Variants in TMEM50A observed in about 807,000 individuals in gnomAD.
TMEM50A encodes transmembrane protein 50A.
A neutral mutation model predicts 23.9 loss-of-function variants in TMEM50A; 8 were observed. That is an observed-to-expected ratio of 0.33 (90% CI 0.20 to 0.60). The LOEUF (loss-of-function observed/expected upper bound fraction) is 0.60, where lower values mean the gene tolerates loss of function less well. Among genes scored for constraint, TMEM50A ranks in the 20% least tolerant of loss-of-function variants. TMEM50A has a pLI of 0.81. For synonymous variants in TMEM50A, 55 were observed against 60.4 expected, an observed-to-expected ratio of 0.91 and a Z score of 0.41; for missense variants, 178 against 192.7, an observed-to-expected ratio of 0.92 and a Z score of 0.45.
At chr1:25,340,352 A>G (rs1645154771) in intron 1 of TMEM50A, 122 bp from the exon 2 acceptor site, 5 of 616,346 alleles carry the variant, frequency 8.1e-6, no homozygotes, top group Non-Finnish European at 1.1e-5. Context: ...AGTATGTGGA[A>G]CCAAAATAAA....
intron 2 of TMEM50A, among the ~76,000 whole-genome samples, chr1:25,342,050 A>C (rs913034324): frequency 6.6e-6 from 1 of 152,144 alleles, no homozygotes; most frequent in African/African-American, 2.4e-5. Flanking sequence ...TCTTAAATAC[A>C]TTGAGCTGAG....
At chr1:25,355,515 G>A (rs982744669) in intron 5 of TMEM50A, among the ~76,000 whole-genome samples, 8 of 152,048 alleles carry the variant, frequency 5.3e-5, no homozygotes, top group Non-Finnish European at 8.8e-5. Context: ...TTTCCTGAAA[G>A]CTTCTGGAGC....
In TMEM50A at chr1:25,360,848, C is replaced by A; in HGVS notation, c.*143C>A. 1 of 768,924 alleles carries A rather than the reference C, an allele frequency of 1.3e-6. No homozygotes were observed. Among genetic ancestry groups the A allele is most frequent in the Non-Finnish European group, 2.1e-6 (1 of 487,658 alleles). The allele number at this position is 768,924 out of a possible 1,614,324, so 47.6% of individuals were successfully genotyped here. On this transcript the variant is annotated 3_prime_UTR_variant, in exon 7 of 7. Coordinates refer to ENST00000374358, the MANE Select transcript of TMEM50A (RefSeq NM_014313.4). ...TTAAAGTTGTGTAATACTAAAATCA[C>A]GAGAACACCTAAACAACAACCAAAA... is the stretch of plus-strand genomic sequence containing the variant.
At chr1:25,350,902 C>T (rs1571802931) in intron 3 of TMEM50A, among the ~76,000 whole-genome samples, 1 of 151,994 alleles carries the variant, frequency 6.6e-6, no homozygotes, top group Admixed American at 6.6e-5. Flanking sequence ...TGGCTCACAC[C>T]TGTAATCCCA....
chr1:25,362,191 A>G lies in TMEM50A; in HGVS notation c.*1486A>G. The G allele has an allele frequency of 2.1e-6, 1 of 476,800 alleles. No individual in the cohort carries two copies. The highest frequency in any genetic ancestry group is 3.8e-6 in the Non-Finnish European group (1 of 265,066). 29.5% of individuals were successfully genotyped at this position (476,800 alleles called of 1,614,324 possible). A position where few individuals can be genotyped will look rare whatever the true frequency, so the allele number is the denominator to read the frequency against. On this transcript the variant is annotated 3_prime_UTR_variant, in exon 7 of 7. Coordinates refer to ENST00000374358, the MANE Select transcript of TMEM50A (RefSeq NM_014313.4). ...ATTATCTGCTTTGCTGATGTAGACAAGAGTTAACTGAGTAGCATGCTTTAT... is the reference window on the plus strand; with the variant it reads ...ATTATCTGCTTTGCTGATGTAGACAGGAGTTAACTGAGTAGCATGCTTTAT...
At chr1:25,354,117 AG>A (rs1208586121) in intron 5 of TMEM50A, among the ~76,000 whole-genome samples, 1 of 151,986 alleles carries the variant, frequency 6.6e-6, no homozygotes, top group African/African-American at 2.4e-5. Context: ...CAGCCTCCTG[AG>A]TAGCTGAGAT....
chr1:25,350,051 CTTATG>C (rs1457112657), intron 3 of TMEM50A, among the ~76,000 whole-genome samples: 2 of 152,112 alleles, frequency 1.3e-5, no homozygotes, highest in African/African-American at 4.8e-5. Context: ...AGTAAAACAC[CTTATG>C]TTTAGAGCCT....
At chr1:25,351,940 T>C (rs928043960) in intron 4 of TMEM50A, among the ~76,000 whole-genome samples, 6 of 152,214 alleles carry the variant, frequency 3.9e-5, no homozygotes, top group Admixed American at 3.9e-4. Context: ...AGAGGCCCTA[T>C]CAGAATTCAT....
intron 3 of TMEM50A, among the ~76,000 whole-genome samples, chr1:25,348,025 TCTGA>T (rs760377753): frequency 6.6e-6 from 1 of 152,264 alleles, no homozygotes; most frequent in Non-Finnish European, 1.5e-5. Context: ...CAGTAGCAAG[TCTGA>T]CTATGGAGGG....
intron 2 of TMEM50A, chr1:25,342,652 C>A (rs1645179123): frequency 5.8e-6 from 1 of 173,034 alleles, no homozygotes; most frequent in Non-Finnish European, 1.2e-5. Flanking sequence ...ATTGGAGTCA[C>A]TTTTTTCCTT....
chr1:25,360,578 T>G (rs1645389311), intron 6 of TMEM50A, 82 bp from the exon 7 acceptor site: 1 of 1,497,850 alleles, frequency 6.7e-7, no homozygotes, highest in Non-Finnish European at 9.3e-7. Context: ...TCTTCGTTGT[T>G]TGTTTCACAC....
At chr1:25,349,973 A>G (rs1176655977) in intron 3 of TMEM50A, among the ~76,000 whole-genome samples, 1 of 152,254 alleles carries the variant, frequency 6.6e-6, no homozygotes, top group African/African-American at 2.4e-5. Flanking sequence ...GACATTTGGA[A>G]TGTTTCAAAG....
chr1:25,347,368 T>C (rs1018928196), intron 3 of TMEM50A, among the ~76,000 whole-genome samples: 2 of 152,102 alleles, frequency 1.3e-5, no homozygotes, highest in African/African-American at 4.8e-5. Context: ...CCTGAGTAAC[T>C]GGGATTACAG....
intron 6 of TMEM50A, among the ~76,000 whole-genome samples, chr1:25,357,557 GTGTGT>G (rs1316860581): frequency 6.8e-6 from 1 of 147,628 alleles, no homozygotes; most frequent in African/African-American, 2.6e-5. Flanking sequence ...GTGTGTGTGT[GTGTGT>G]TGTGTGTGTG....
Position 25,340,538 on chromosome 1 carries a change from G to A in TMEM50A, c.52G>A (p.Glu18Lys). Residue 18 changes from glutamate (E) to lysine (K), a missense_variant, in exon 2 of 7, where the codon GAA becomes AAA. Glu to Lys is a moderately conservative substitution (Grantham distance 56). Coordinates refer to ENST00000374358, the MANE Select transcript of TMEM50A (RefSeq NM_014313.4). Reference sequence around the variant, plus strand: ...ATGCTCAGAATGCATTGACTGGGGGGAAAAGCGCAATACTATTGCTTCCAT... The same window carrying A: ...ATGCTCAGAATGCATTGACTGGGGGAAAAAGCGCAATACTATTGCTTCCAT... ...LRCSECIDWG[E>K]KRNTIASIAA... 2 of 1,613,956 alleles carry A rather than the reference G, an allele frequency of 1.2e-6. No homozygotes were observed. The highest frequency in any genetic ancestry group is 2.2e-5 in the East Asian group (1 of 44,866).
chr1:25,341,400 A>G (rs1048353189), intron 2 of TMEM50A, among the ~76,000 whole-genome samples: 2 of 152,062 alleles, frequency 1.3e-5, no homozygotes, highest in African/African-American at 4.8e-5. Flanking sequence ...CTGGGACTAC[A>G]GGCGCCCGCC....
At chr1:25,342,834 A>C (rs1309427854) in intron 2 of TMEM50A, 127 bp from the exon 3 acceptor site, 2 of 629,408 alleles carry the variant, frequency 3.2e-6, no homozygotes, top group African/African-American at 3.7e-5. Flanking sequence ...TGTGCAAATT[A>C]CATGTGGGAA....
chr1:25,341,248 GTTGTTT>G (rs1380916582), intron 2 of TMEM50A, among the ~76,000 whole-genome samples: 1 of 151,554 alleles, frequency 6.6e-6, no homozygotes, highest in Non-Finnish European at 1.5e-5. Flanking sequence ...TTTTGTTGTT[GTTGTTT>G]TTGTTTTTTT....
chr1:25,348,856 C>G (rs1162990254), intron 3 of TMEM50A, among the ~76,000 whole-genome samples: 1 of 152,138 alleles, frequency 6.6e-6, no homozygotes, highest in Non-Finnish European at 1.5e-5. Flanking sequence ...ACTTCCTTTC[C>G]TCTTCCTGGA....
Sources: allele counts gnomAD v4.1 joint callset (sites outside exome capture counted in the v4.1 genomes callset), GRCh38; gene constraint gnomAD v4.1.1; transcripts MANE v1.5; gene names NCBI Gene and HGNC (gene_info 2026-07-23, HGNC 2026-07-21).